The following ST18 variants were observed in gnomAD, a reference collection of about 807,000 sequenced individuals.
ST18 encodes the protein suppression of tumorigenicity 18 protein.
Under a neutral mutation model 110.0 loss-of-function variants are expected in ST18, and 50 were observed. The observed-to-expected ratio is 0.45, with a 90% confidence interval of 0.36 to 0.58. ST18 has a LOEUF of 0.58. Ranked by LOEUF, ST18 falls within the 20% of genes least tolerant of loss-of-function variation. ST18 has a pLI of 0.00. For missense variants in ST18, 1,306 were observed against 1,280.1 expected (o/e 1.02, Z -0.31); for synonymous variants, 461 against 452.4 (o/e 1.02, Z -0.24).
chr8:52,158,506 C>G (rs1299448492), intron 15 of ST18, among the ~76,000 whole-genome samples: 1 of 152,136 alleles, frequency 6.6e-6, no homozygotes, highest in Admixed American at 6.5e-5. Context: ...CATTTCTTAC[C>G]TTCTTTGATT....
chr8:52,187,583 C>A (rs563153298), intron 8 of ST18, among the ~76,000 whole-genome samples: 1 of 152,342 alleles, frequency 6.6e-6, no homozygotes, highest in African/African-American at 2.4e-5. Flanking sequence ...TTTAGAATTA[C>A]AGTCCTCAAC....
chr8:52,121,968 C>T (rs564782654), intron 23 of ST18, among the ~76,000 whole-genome samples: 14 of 152,304 alleles, frequency 9.2e-5, no homozygotes, highest in African/African-American at 3.4e-4. Context: ...GCCTCAGCCT[C>T]CTGAGTAGCT....
chr8:52,193,221 G>A (rs60770811), intron 8 of ST18, among the ~76,000 whole-genome samples: 2,620 of 152,276 alleles, frequency 0.017, 35 homozygotes, highest in African/African-American at 0.034. Flanking sequence ...TACAAAGCAA[G>A]TATAAAAGGA....
intron 2 of ST18, among the ~76,000 whole-genome samples, chr8:52,244,401 G>T (rs1239457002): frequency 1.3e-5 from 2 of 152,118 alleles, no homozygotes; most frequent in Non-Finnish European, 2.9e-5. Flanking sequence ...GAAAACCAAT[G>T]TAAGCAATTT....
intron 8 of ST18, among the ~76,000 whole-genome samples, chr8:52,208,816 A>AAAATAAATAAAT (rs74780314): frequency 2.6e-5 from 4 of 151,222 alleles, no homozygotes; most frequent in Non-Finnish European, 3.0e-5. Flanking sequence ...AGGCTTCGCC[A>AAAATAAATAAAT]AAATAAATAA....
At chr8:52,237,291 C>T (rs1193956671) in intron 2 of ST18, among the ~76,000 whole-genome samples, 3 of 152,132 alleles carry the variant, frequency 2.0e-5, no homozygotes. Context: ...AGCTCATTTT[C>T]TTCAAGAGAA....
intron 11 of ST18, 42 bp downstream of exon 11, chr8:52,166,810 G>A: frequency 2.0e-6 from 3 of 1,493,160 alleles, no homozygotes; most frequent in Non-Finnish European, 2.7e-6. Flanking sequence ...TTGATGATCT[G>A]GCGTGCATAA....
intron 3 of ST18, among the ~76,000 whole-genome samples, chr8:52,223,177 C>G (rs191082247): frequency 6.6e-6 from 1 of 152,110 alleles, no homozygotes; most frequent in South Asian, 2.1e-4. Context: ...ATGAGTACTG[C>G]GCCTGAGAAA....
intron 2 of ST18, among the ~76,000 whole-genome samples, chr8:52,270,447 C>T (rs911681018): frequency 6.6e-6 from 1 of 152,100 alleles, no homozygotes; most frequent in Non-Finnish European, 1.5e-5. Flanking sequence ...AGAACACTCA[C>T]GATCTTCCCT....
At chr8:52,211,671 T>A (rs1371564279) in intron 8 of ST18, among the ~76,000 whole-genome samples, 1 of 152,044 alleles carries the variant, frequency 6.6e-6, no homozygotes, top group African/African-American at 2.4e-5. Context: ...CCTGGAATCA[T>A]CTAATTATTT....
In ST18 at chr8:52,136,625, TAG is replaced by T; in HGVS notation, c.2263_2264del (p.Leu755LysfsTer12). The T allele has an allele frequency of 6.2e-7, 1 of 1,611,354 alleles. No individual in the cohort carries two copies. Among genetic ancestry groups the T allele is most frequent in the Non-Finnish European group, 8.5e-7 (1 of 1,179,038 alleles). ...GAGAGTTGGCAGCCATGAGGGATTT[TAG>T]AGTCTTATCTGCTAAAGGACATCCA... is the stretch of plus-strand genomic sequence containing the variant. ...VSGCPLADKTLKSLMAANSQE... is the reference protein window; with the variant it reads ...VSGCPLADKTXKSLMAANSQE... On this transcript the variant is annotated frameshift_variant, in exon 19 of 26. Transcript: ENST00000689386. LOFTEE classifies it high-confidence loss of function.
chr8:52,319,897 C>A (rs1050581294), intron 2 of ST18, among the ~76,000 whole-genome samples: 6 of 152,176 alleles, frequency 3.9e-5, no homozygotes, highest in Non-Finnish European at 5.9e-5. Context: ...CTGGCCTCCC[C>A]AAACAGTGAG....
At chr8:52,332,992 G>A (rs748843923) in intron 2 of ST18, among the ~76,000 whole-genome samples, 1 of 152,030 alleles carries the variant, frequency 6.6e-6, no homozygotes, top group Non-Finnish European at 1.5e-5. Context: ...CTCTTGGGGA[G>A]GCTGAATCAC....
At chr8:52,392,666 C>T (rs536990662) in intron 2 of ST18, among the ~76,000 whole-genome samples, 1 of 152,316 alleles carries the variant, frequency 6.6e-6, no homozygotes, top group South Asian at 2.1e-4. Context: ...GTACACTCCA[C>T]AGAGTGGTGG....
At chr8:52,356,281 T>C (rs1338067853) in intron 2 of ST18, among the ~76,000 whole-genome samples, 4 of 152,154 alleles carry the variant, frequency 2.6e-5, no homozygotes, top group African/African-American at 9.7e-5. Flanking sequence ...GGGAGAGTAT[T>C]TATTAATATT....
chr8:52,116,657 G>A (rs1320639768), intron 24 of ST18, among the ~76,000 whole-genome samples: 1 of 152,176 alleles, frequency 6.6e-6, no homozygotes, highest in East Asian at 1.9e-4. Context: ...TCTCCACATG[G>A]CTGTATGATG....
chr8:52,285,445 T>G (rs1400515232), intron 2 of ST18, among the ~76,000 whole-genome samples: 1 of 152,248 alleles, frequency 6.6e-6, no homozygotes, highest in Non-Finnish European at 1.5e-5. Context: ...TGTGTTTTCC[T>G]TATCTGCTTT....
chr8:52,327,688 C>CA (rs1807123286), intron 2 of ST18, among the ~76,000 whole-genome samples: 1 of 152,180 alleles, frequency 6.6e-6, no homozygotes, highest in Non-Finnish European at 1.5e-5. Context: ...CTCCCTCTGC[C>CA]AGTGCCACCC....
At chr8:52,149,383 A>G (rs1350713271) in intron 16 of ST18, among the ~76,000 whole-genome samples, 2 of 152,266 alleles carry the variant, frequency 1.3e-5, no homozygotes, top group Non-Finnish European at 2.9e-5. Flanking sequence ...CCTCTGGTTC[A>G]GAAAGAATTA....
Sources: allele counts gnomAD v4.1 joint callset (sites outside exome capture counted in the v4.1 genomes callset), GRCh38; gene constraint gnomAD v4.1.1; transcripts MANE v1.5; gene names NCBI Gene and HGNC (gene_info 2026-07-23, HGNC 2026-07-21).